PPP2R3B: variants seen among roughly 807,000 people sequenced by gnomAD.
PPP2R3B encodes the protein protein phosphatase 2 regulatory subunit B''beta, also known as serine/threonine-protein phosphatase 2A regulatory subunit B'' subunit beta.
Under a neutral mutation model 72.9 loss-of-function variants are expected in PPP2R3B, and 68 were observed. The ratio of observed to expected loss-of-function variants is 0.93; its 90% CI spans 0.77 to 1.14. PPP2R3B has a LOEUF of 1.14. Ranked by LOEUF, PPP2R3B falls within the 50% of genes most tolerant of loss-of-function variation. The pLI is 0.00. For synonymous variants in PPP2R3B, 466 were observed against 375.8 expected, an observed-to-expected ratio of 1.24 and a Z score of -2.78; for missense variants, 1,018 against 842.0, an observed-to-expected ratio of 1.21 and a Z score of -2.59.
intron 1 of PPP2R3B, among the ~76,000 whole-genome samples, chrX:379,199 G>GTGTGTATGCACC (rs1364730869): frequency 6.7e-6 from 1 of 149,076 alleles, no homozygotes; most frequent in African/African-American, 2.6e-5. Context: ...GTGTGTATGC[G>GTGTGTATGCACC]TGTGTATGCA....
At chrX:346,577 G>C in intron 5 of PPP2R3B, 124 bp downstream of exon 5, 2 of 934,352 alleles carry the variant, frequency 2.1e-6, no homozygotes, top group Non-Finnish European at 3.2e-6. Context: ...GAGCGCGGCC[G>C]CCTCCTCCGG....
intron 1 of PPP2R3B, 160 bp downstream of exon 1, chrX:386,204 TTGTC>T (rs2072244636): frequency 5.3e-6 from 1 of 190,008 alleles, no homozygotes; most frequent in Non-Finnish European, 9.7e-6. Context: ...TGGGACTTTC[TTGTC>T]TGTATGTGTG....
At chrX:364,185 T>G (rs2124251424) in intron 1 of PPP2R3B, among the ~76,000 whole-genome samples, 1 of 152,232 alleles carries the variant, frequency 6.6e-6, no homozygotes, top group Non-Finnish European at 1.5e-5. Context: ...CCAGAACGCG[T>G]CACCTTCAGT....
chrX:338,500 C>G, intron 12 of PPP2R3B, 104 bp downstream of exon 12: 1 of 1,184,898 alleles, frequency 8.4e-7, no homozygotes, highest in South Asian at 1.4e-5. Flanking sequence ...ACTGACCCCG[C>G]ATCCCCCGGC....
At chrX:344,146 A>ACCAAC (rs2071141666) in intron 7 of PPP2R3B, among the ~76,000 whole-genome samples, 1 of 92,590 alleles carries the variant, frequency 1.1e-5, no homozygotes, top group African/African-American at 4.1e-5. Context: ...GGGAGACCTC[A>ACCAAC]GCAACGGGAG....
Position 347,547 on chromosome X carries a change from C to T in PPP2R3B, c.614+43G>A, listed in dbSNP as rs1482003315. 3.2e-6 allele frequency: 5 copies of T among 1,543,276 alleles called. 1 individual carries two copies. In the Admixed American group the frequency reaches 1.0e-4, roughly 31 times the overall value. ...TGGCACCACGGGGACCCGGGGACGC[C>T]TCCGCCCTCCCGACACAGCCCCCTG... On this transcript the variant is annotated intron_variant, in intron 3 of 12. Coordinates refer to ENST00000390665, the MANE Select transcript of PPP2R3B (RefSeq NM_013239.5).
At chrX:366,492 T>C (rs868180070) in intron 1 of PPP2R3B, among the ~76,000 whole-genome samples, 99 of 2,638 alleles carry the variant, frequency 0.038, 13 homozygotes, top group Middle Eastern at 0.17. Context: ...GAGATCGCAC[T>C]ACTGCACTCC....
intron 1 of PPP2R3B, among the ~76,000 whole-genome samples, chrX:367,945 G>C (rs749057661): frequency 1.3e-5 from 2 of 152,350 alleles, no homozygotes; most frequent in South Asian, 2.1e-4. Flanking sequence ...GACAGACCTG[G>C]AGACAGACAG....
At chrX:371,633 G>C (rs770777985) in intron 1 of PPP2R3B, among the ~76,000 whole-genome samples, 1 of 152,060 alleles carries the variant, frequency 6.6e-6, no homozygotes, top group African/African-American at 2.4e-5. Flanking sequence ...AAACAGTACC[G>C]TGCTGCCCGG....
In PPP2R3B at chrX:347,699, G is replaced by T; in HGVS notation, c.511-6C>A. The T allele has an allele frequency of 2.0e-6, 3 of 1,529,236 alleles. No individual in the cohort carries two copies. The highest frequency in any genetic ancestry group is 2.6e-6 in the Non-Finnish European group (3 of 1,140,504). The allele number at this position is 1,529,236 out of a possible 1,614,324, so 94.7% of individuals were successfully genotyped here. A position where few individuals can be genotyped will look rare whatever the true frequency, so the allele number is the denominator to read the frequency against. On this transcript the variant is annotated splice_region_variant and splice_polypyrimidine_tract_variant and intron_variant, in intron 2 of 12. Transcript: ENST00000390665. ...TAGAGGGGGCAGCCGCAGGCCTGGGGCAGAGAGGGCAGGAGTGGGCAGTCA... is the reference window on the plus strand; with the variant it reads ...TAGAGGGGGCAGCCGCAGGCCTGGGTCAGAGAGGGCAGGAGTGGGCAGTCA...
intron 12 of PPP2R3B, chrX:336,211 T>A (rs1351894204): frequency 6.8e-6 from 1 of 147,080 alleles, no homozygotes; most frequent in African/African-American, 2.7e-5. Flanking sequence ...GCAAAGAGAA[T>A]CCAGTAATAT....
At chrX:386,257 A>T in intron 1 of PPP2R3B, 111 bp downstream of exon 1, 1 of 917,912 alleles carries the variant, frequency 1.1e-6, no homozygotes, top group East Asian at 3.4e-5. Flanking sequence ...ACTCAATATG[A>T]AACCGTTTTG....
chrX:341,460 G>GC, intron 8 of PPP2R3B, 64 bp from the exon 9 acceptor site: 1 of 1,563,796 alleles, frequency 6.4e-7, no homozygotes, highest in Non-Finnish European at 8.8e-7. Context: ...CAGGAACGGA[G>GC]CCCCTGTCCA....
chrX:347,162 CATGAGGCATGCGGT>C (rs1233190831), intron 4 of PPP2R3B, 58 bp downstream of exon 4: 1 of 82,114 alleles, frequency 1.2e-5, no homozygotes, highest in African/African-American at 8.8e-5. Context: ...CCGGCCCTCC[CATGAGGCATGCGGT>C]GTAGACGCGG....
intron 1 of PPP2R3B, among the ~76,000 whole-genome samples, chrX:385,750 G>C (rs1174166527): frequency 5.3e-5 from 8 of 152,090 alleles, no homozygotes; most frequent in Non-Finnish European, 1.5e-5. Context: ...CAGCCTAGGA[G>C]ACAGAGCAAG....
intron 2 of PPP2R3B, among the ~76,000 whole-genome samples, chrX:357,108 A>G (rs1308654601): frequency 5.3e-5 from 8 of 152,228 alleles, no homozygotes; most frequent in African/African-American, 7.2e-5. Context: ...ATGCTCCAAG[A>G]GTCCTCATGT....
In PPP2R3B at chrX:341,384, C is replaced by G; in HGVS notation, c.1098G>C (p.Val366=). The change falls in exon 9 of 13, where the codon GTG becomes GTC. Residue 366 remains valine, a synonymous_variant. Coordinates refer to ENST00000390665, the MANE Select transcript of PPP2R3B (RefSeq NM_013239.5). ...FSGAVTRGRK[V]QKEGKISYAD... ...CATAGCTGATCTTCCCTTCCTTCTG[C>G]ACTTTTCTGCCTCTAGATCGAAAGC... The G allele has an allele frequency of 6.2e-7, 1 of 1,612,676 alleles. No homozygotes were observed. The highest frequency in any genetic ancestry group is 1.1e-5 in the South Asian group (1 of 91,080).
chrX:381,327 C>T (rs775403220), intron 1 of PPP2R3B, among the ~76,000 whole-genome samples: 5 of 152,268 alleles, frequency 3.3e-5, no homozygotes, highest in East Asian at 1.9e-4. Flanking sequence ...TGCTCAGTAA[C>T]GATGAAGGCG....
Position 340,907 on chromosome X carries a change from G to C in PPP2R3B, c.1209C>G (p.Asp403Glu). 6.2e-7 allele frequency: 1 copy of C among 1,611,842 alleles called. No individual in the cohort carries two copies. The highest frequency in any genetic ancestry group is 8.5e-7 in the Non-Finnish European group (1 of 1,179,636). The change falls in exon 10 of 13, where the codon GAC (aspartate) becomes GAG (glutamate). Residue 403 changes from aspartate to glutamate, a missense_variant. Physicochemically the swap from Asp to Glu is conservative, Grantham distance 45. Coordinates refer to ENST00000390665, the MANE Select transcript of PPP2R3B (RefSeq NM_013239.5). ...CGAACATGGACAGGGCGCCGTCCCC[G>C]TCCAGGTCCATGCAGCGGAACCAGT... ...IEYWFRCMDL[D>E]GDGALSMFEL...
Sources: allele counts gnomAD v4.1 joint callset (sites outside exome capture counted in the v4.1 genomes callset), GRCh38; gene constraint gnomAD v4.1.1; transcripts MANE v1.5; gene names NCBI Gene and HGNC (gene_info 2026-07-23, HGNC 2026-07-21).